MTHFD1L: variants seen among roughly 807,000 people sequenced by gnomAD.
MTHFD1L encodes methylenetetrahydrofolate dehydrogenase (NADP+ dependent) 1 like.
MTHFD1L carries 81 observed loss-of-function variants against 119.5 expected under a neutral mutation model. The observed-to-expected ratio is 0.68, with a 90% CI of 0.57 to 0.82. The LOEUF is 0.82. Ranked by LOEUF, MTHFD1L falls within the 40% of genes least tolerant of loss-of-function variation. The pLI is 0.00. For missense variants in MTHFD1L, 1,125 were observed against 1,253.4 expected, an observed-to-expected ratio of 0.90 and a Z score of 1.55; for synonymous variants, 430 against 475.2, an observed-to-expected ratio of 0.90 and a Z score of 1.24.
intron 5 of MTHFD1L, among the ~76,000 whole-genome samples, chr6:150,884,669 G>A (rs1781926515): frequency 6.6e-6 from 1 of 152,120 alleles, no homozygotes; most frequent in African/African-American, 2.4e-5. Flanking sequence ...AGTAAAAGGA[G>A]AAATTACGAA....
intron 14 of MTHFD1L, 88 bp from the exon 15 acceptor site, chr6:150,945,379 G>C (rs930819800): frequency 2.0e-6 from 2 of 1,015,438 alleles, no homozygotes; most frequent in East Asian, 4.9e-5. Flanking sequence ...GGTTATAAAT[G>C]CAATGAATTT....
chr6:151,016,205 G>A (rs1041854530), intron 24 of MTHFD1L, among the ~76,000 whole-genome samples: 2 of 152,180 alleles, frequency 1.3e-5, no homozygotes, highest in Admixed American at 1.3e-4. Flanking sequence ...CTCCCAAATC[G>A]CAGTCCTAAG....
chr6:151,069,529 TC>T (rs1451530584), intron 26 of MTHFD1L, among the ~76,000 whole-genome samples: 3 of 152,192 alleles, frequency 2.0e-5, no homozygotes, highest in Non-Finnish European at 4.4e-5. Context: ...ATTGCAGTCC[TC>T]CCTGCTAGAT....
At chr6:150,935,100 T>G (rs1426819516) in intron 11 of MTHFD1L, 6 of 1,613,828 alleles carry the variant, frequency 3.7e-6, no homozygotes, top group Non-Finnish European at 5.1e-6. Flanking sequence ...TTCAATGAAT[T>G]TGTAAATACC....
At chr6:150,895,732 A>G (rs12661318) in intron 7 of MTHFD1L, among the ~76,000 whole-genome samples, 8,172 of 151,090 alleles carry the variant, frequency 0.054, 257 homozygotes, top group Middle Eastern at 0.095. Flanking sequence ...TTCTAAATGT[A>G]CTTGTATTAT....
At chr6:150,870,635 G>A (rs1423961602) in intron 1 of MTHFD1L, among the ~76,000 whole-genome samples, 5 of 152,166 alleles carry the variant, frequency 3.3e-5, no homozygotes, top group South Asian at 4.2e-4. Context: ...ATATAAGGCC[G>A]GGCGTGGTAG....
At chr6:150,958,801 T>C (rs1451592728) in intron 17 of MTHFD1L, among the ~76,000 whole-genome samples, 1 of 152,232 alleles carries the variant, frequency 6.6e-6, no homozygotes, top group Non-Finnish European at 1.5e-5. Context: ...AGCCTTCCGC[T>C]ATGCACGTCA....
At chr6:151,049,981 T>C (rs1351769244) in intron 26 of MTHFD1L, among the ~76,000 whole-genome samples, 1 of 151,988 alleles carries the variant, frequency 6.6e-6, no homozygotes, top group Non-Finnish European at 1.5e-5. Context: ...TGGGAAGGAA[T>C]GTGGATGTCA....
At chr6:150,995,476 T>C (rs1779688228) in intron 20 of MTHFD1L, among the ~76,000 whole-genome samples, 3 of 144,364 alleles carry the variant, frequency 2.1e-5, no homozygotes, top group Non-Finnish European at 4.5e-5. Flanking sequence ...ATCACGCCAT[T>C]GCATTCCAGC....
intron 20 of MTHFD1L, among the ~76,000 whole-genome samples, chr6:150,986,840 G>A (rs472598): frequency 0.084 from 12,828 of 152,190 alleles, 723 homozygotes; most frequent in Non-Finnish European, 0.12. Context: ...AAGTAGCTGG[G>A]ACTACAGGCA....
intron 24 of MTHFD1L, among the ~76,000 whole-genome samples, chr6:151,020,579 G>C (rs1783810775): frequency 6.6e-6 from 1 of 152,154 alleles, no homozygotes; most frequent in African/African-American, 2.4e-5. Context: ...GAATAATTTA[G>C]AATAAAGATT....
At chr6:150,960,540 C>A in intron 18 of MTHFD1L, 125 bp downstream of exon 18, 3 of 1,263,686 alleles carry the variant, frequency 2.4e-6, no homozygotes, top group Non-Finnish European at 3.2e-6. Flanking sequence ...TTTCCACACA[C>A]ACATTTCTTC....
At position 150,877,839 on chromosome 6, in the gene MTHFD1L, G is replaced by A. The variant is rs1780705696; in HGVS notation, c.417+13G>A. 2.5e-6 allele frequency: 4 copies of A among 1,614,082 alleles called. No individual in the cohort carries two copies. In the South Asian group the frequency reaches 4.4e-5, roughly 18 times the overall value. ...CAGTGAAGCCGAGGTAATAATGGCA[G>A]AGCTCTAAACTCTTGCTTCTTCTTT... On this transcript the variant is annotated intron_variant, in intron 4 of 27. Transcript: ENST00000367321.
At chr6:150,918,752 AC>A in intron 9 of MTHFD1L, 84 bp downstream of exon 9, 1 of 1,112,794 alleles carries the variant, frequency 9.0e-7, no homozygotes, top group Non-Finnish European at 1.4e-6. Flanking sequence ...GTTTCTGTTT[AC>A]CAGGTACAGT....
intron 26 of MTHFD1L, among the ~76,000 whole-genome samples, chr6:151,048,100 A>G (rs1194071332): frequency 6.6e-6 from 1 of 152,116 alleles, no homozygotes; most frequent in African/African-American, 2.4e-5. Context: ...ACCTCCCACC[A>G]GGCCCCTCCT....
At position 151,090,239 on chromosome 6, in the gene MTHFD1L, C is replaced by A. The variant is rs114495035; in HGVS notation, c.2848-2228C>A. On this transcript the variant is annotated intron_variant, in intron 26 of 27. Transcript: ENST00000367321. ...CCTGCTGCATCTGCAGGGGTTAAAC[C>A]GGCTTTTCCCTCCCCTTCGCTCTCA... Among the ~76,000 whole-genome samples the A allele has an allele frequency of 3.3e-5, 5 of 152,284 alleles. No homozygotes were observed. In the South Asian group the frequency reaches 8.3e-4, roughly 25 times the overall value.
intron 26 of MTHFD1L, among the ~76,000 whole-genome samples, chr6:151,089,576 C>A (rs1252324553): frequency 6.6e-6 from 1 of 152,246 alleles, no homozygotes; most frequent in Non-Finnish European, 1.5e-5. Flanking sequence ...GCACTCCAGC[C>A]TGGGTGAGAG....
At chr6:150,983,305 T>A (rs1290209588) in intron 20 of MTHFD1L, among the ~76,000 whole-genome samples, 1 of 152,224 alleles carries the variant, frequency 6.6e-6, no homozygotes, top group East Asian at 1.9e-4. Flanking sequence ...ATAAAGATAA[T>A]CATTTGTATT....
At chr6:151,016,131 T>C (rs1224350805) in intron 24 of MTHFD1L, among the ~76,000 whole-genome samples, 4 of 152,132 alleles carry the variant, frequency 2.6e-5, no homozygotes, top group Non-Finnish European at 5.9e-5. Context: ...TTAAGCCATA[T>C]GACAAAGTCA....
Sources: gnomAD v4.1 joint callset for allele counts (sites outside exome capture counted in the v4.1 genomes callset) on GRCh38, gnomAD v4.1.1 for gene constraint, MANE v1.5 for transcripts, NCBI Gene and HGNC (gene_info 2026-07-23, HGNC 2026-07-21) for gene names.